Variants in CALN1 observed in about 807,000 individuals in gnomAD.
The protein encoded by CALN1 is calneuron 1, also known as calcium-binding protein 8.
In CALN1, 17 loss-of-function variants were observed where a neutral mutation model predicts 30.6. That is an observed-to-expected ratio of 0.56 (90% CI 0.38 to 0.83). CALN1 has a LOEUF of 0.83. Among genes scored for constraint, CALN1 ranks in the 40% least tolerant of loss-of-function variants. The pLI is 0.00. For synonymous variants in CALN1, 156 were observed against 131.4 expected, an observed-to-expected ratio of 1.19 and a Z score of -1.28; for missense variants, 291 against 354.9, an observed-to-expected ratio of 0.82 and a Z score of 1.45.
At chr7:71,959,464 A>G (rs1388397724) in intron 5 of CALN1, among the ~76,000 whole-genome samples, 1 of 152,184 alleles carries the variant, frequency 6.6e-6, no homozygotes, top group Non-Finnish European at 1.5e-5. Context: ...CCCTTCTCCC[A>G]GGAACATCTA....
intron 5 of CALN1, among the ~76,000 whole-genome samples, chr7:71,964,281 G>A (rs1353569678): frequency 6.6e-6 from 1 of 151,608 alleles, no homozygotes; most frequent in African/African-American, 2.4e-5. Context: ...GGGTCGTGGG[G>A]AGCATTTTTG....
At chr7:71,887,694 GTCA>G (rs1296605362) in intron 5 of CALN1, among the ~76,000 whole-genome samples, 1 of 152,126 alleles carries the variant, frequency 6.6e-6, no homozygotes, top group Non-Finnish European at 1.5e-5. Context: ...AAAGCAAGAG[GTCA>G]TCAAGGTGTG....
chr7:71,893,259 G>A (rs1190217223), intron 5 of CALN1, among the ~76,000 whole-genome samples: 1 of 152,110 alleles, frequency 6.6e-6, no homozygotes, highest in Non-Finnish European at 1.5e-5. Context: ...AGTGGGTAGA[G>A]GCTATGGATG....
rs116395721 is a variant in CALN1 at position 72,294,609 on chromosome 7, C to T, written c.120-15799G>A. Among the ~76,000 whole-genome samples, 1,208 of 151,800 alleles carry T rather than the reference C, an allele frequency of 8.0e-3. 19 individuals are homozygous for T. The highest frequency in any genetic ancestry group is 0.026 in the African/African-American group (1,091 of 41,306). On this transcript the variant is annotated intron_variant, in intron 2 of 6. Transcript: ENST00000395275. ...TATGAAAAATTTAGAAATAGCCTAG[C>T]GTGGTGGTGCGCACCTGTAGTCTCA...
rs1360654861 is a variant in CALN1 at position 71,960,163 on chromosome 7, AAATAAATAAATAAAT to A, written c.501+63479_501+63493del. ...TAAATAAATAAATAAATAAATAAAT[AAATAAATAAATAAAT>A]AAATAAAATAAAATAAAAAAATAAA... On this transcript the variant is annotated intron_variant, in intron 5 of 6. Transcript: ENST00000395275. 2.0e-4 allele frequency among the ~76,000 whole-genome samples: 27 copies of A among 136,532 alleles called. No homozygotes were observed. The East Asian group carries it at 2.9e-3, about 15-fold the overall frequency. The allele number at this position is 136,532 out of a possible 152,430, so 89.6% of individuals were successfully genotyped here.
chr7:72,390,855 T>C (rs1479520086), intron 2 of CALN1, among the ~76,000 whole-genome samples: 1 of 152,262 alleles, frequency 6.6e-6, no homozygotes, highest in East Asian at 1.9e-4. Flanking sequence ...CATGCTTATG[T>C]ATAATACATT....
At chr7:72,042,610 C>A (rs1417929099) in intron 4 of CALN1, among the ~76,000 whole-genome samples, 4 of 152,084 alleles carry the variant, frequency 2.6e-5, no homozygotes, top group Admixed American at 2.6e-4. Context: ...ATCACACGTA[C>A]GTATAACCCC....
At chr7:71,798,123 C>G (rs4990734) in intron 6 of CALN1, among the ~76,000 whole-genome samples, 184 of 70,962 alleles carry the variant, frequency 2.6e-3, no homozygotes, top group East Asian at 4.8e-3. Flanking sequence ...GAGACAGAGA[C>G]AGAGAGAGAG....
At chr7:72,306,708 G>A (rs1402607728) in intron 2 of CALN1, among the ~76,000 whole-genome samples, 1 of 151,902 alleles carries the variant, frequency 6.6e-6, no homozygotes, top group Non-Finnish European at 1.5e-5. Flanking sequence ...CCCATTTTGA[G>A]TTATCCCCTC....
intron 5 of CALN1, among the ~76,000 whole-genome samples, chr7:71,876,628 G>C (rs907187817): frequency 6.6e-6 from 1 of 152,070 alleles, no homozygotes; most frequent in Non-Finnish European, 1.5e-5. Flanking sequence ...GGTAAGGGGG[G>C]GAGAATGTGA....
At chr7:71,858,446 T>C (rs1226925101) in intron 5 of CALN1, among the ~76,000 whole-genome samples, 1 of 151,952 alleles carries the variant, frequency 6.6e-6, no homozygotes, top group African/African-American at 2.4e-5. Flanking sequence ...CTGGGAACTA[T>C]GTCAGGAAAA....
At chr7:72,191,916 G>T (rs576403258) in intron 3 of CALN1, among the ~76,000 whole-genome samples, 6 of 152,158 alleles carry the variant, frequency 3.9e-5, no homozygotes, top group African/African-American at 1.4e-4. Context: ...CTATTAGGCT[G>T]GTGCAAAAGT....
At chr7:72,457,586 C>T in the CALN1 span, among the ~76,000 whole-genome samples, 13 of 152,078 alleles carry the variant, frequency 8.5e-5, no homozygotes, top group African/African-American at 2.7e-4. Flanking sequence ...GAAACCTTAT[C>T]CCGAGTATCA....
rs563560336 is a variant in CALN1 at position 72,443,807 on chromosome 7, G to A, written c.-226+3235C>T. Among the ~76,000 whole-genome samples the A allele has an allele frequency of 2.0e-5, 3 of 151,684 alleles. No individual in the cohort carries two copies. The South Asian group carries it at 6.3e-4, about 32-fold the overall frequency. ...AGAGACCCTCTGCAAATGTTAGGTG[G>A]TGGTATTCACTTTTATGATGATGAT... On this transcript the variant is annotated intron_variant, in intron 1 of 6. Coordinates refer to the CALN1 transcript ENST00000395276.
intron 3 of CALN1, among the ~76,000 whole-genome samples, chr7:72,117,794 C>A (rs1380660227): frequency 6.6e-6 from 1 of 151,890 alleles, no homozygotes; most frequent in African/African-American, 2.4e-5. Context: ...TCCATCTTTA[C>A]TAAAAATACA....
chr7:72,152,180 A>T (rs1787304331), intron 3 of CALN1, among the ~76,000 whole-genome samples: 1 of 152,116 alleles, frequency 6.6e-6, no homozygotes, highest in South Asian at 2.1e-4. Flanking sequence ...TGCTGGGATT[A>T]CAGGTGTGAG....
chr7:72,168,764 G>C (rs1173835144), intron 3 of CALN1, among the ~76,000 whole-genome samples: 3 of 150,624 alleles, frequency 2.0e-5, no homozygotes, highest in African/African-American at 7.3e-5. Context: ...TCCCCTTTCT[G>C]AGAAACACTT....
upstream of CALN1, among the ~76,000 whole-genome samples, chr7:72,448,498 G>T (rs1808587580): frequency 6.6e-6 from 1 of 152,066 alleles, no homozygotes; most frequent in Non-Finnish European, 1.5e-5. Context: ...AGCCTGTCTT[G>T]GCTAAGACCG....
intron 5 of CALN1, among the ~76,000 whole-genome samples, chr7:71,858,924 G>C (rs1791108752): frequency 6.6e-6 from 1 of 152,068 alleles, no homozygotes; most frequent in Admixed American, 6.5e-5. Flanking sequence ...CCTTAACCTT[G>C]GCAAAATAAA....
Sources: allele counts gnomAD v4.1 joint callset (sites outside exome capture counted in the v4.1 genomes callset), GRCh38; gene constraint gnomAD v4.1.1; transcripts MANE v1.5; gene names NCBI Gene and HGNC (gene_info 2026-07-23, HGNC 2026-07-21).